Variants in MARVELD2 observed in about 807,000 individuals in gnomAD.
The protein encoded by MARVELD2 is MARVEL domain containing 2.
In MARVELD2, 49 loss-of-function variants were observed where a neutral mutation model predicts 57.6. The observed-to-expected ratio is 0.85, with a 90% CI of 0.68 to 1.08. The LOEUF is 1.08. Ranked by LOEUF, MARVELD2 falls within the 50% of genes least tolerant of loss-of-function variation. The pLI, the probability that MARVELD2 is intolerant of heterozygous loss-of-function variation, is 0.00. For synonymous variants in MARVELD2, 238 were observed against 258.8 expected, an observed-to-expected ratio of 0.92 and a Z score of 0.77; for missense variants, 606 against 701.1, an observed-to-expected ratio of 0.86 and a Z score of 1.53.
Position 69,424,593 on chromosome 5 carries a change from T to G in MARVELD2, c.1147-8T>G, listed in dbSNP as rs1342476152. On this transcript the variant is annotated splice_region_variant and splice_polypyrimidine_tract_variant and intron_variant, in intron 2 of 6. Coordinates refer to ENST00000325631, the MANE Select transcript of MARVELD2 (RefSeq NM_001038603.3). Reference sequence around the variant, plus strand: ...TTTGAAAAACTATTTGAACTCTTTTTGTTCCAGATAAATGAGCCATCATTG... The same window carrying G: ...TTTGAAAAACTATTTGAACTCTTTTGGTTCCAGATAAATGAGCCATCATTG... 1 of 1,602,260 alleles carries G rather than the reference T, an allele frequency of 6.2e-7. No individual in the cohort carries two copies. The highest frequency in any genetic ancestry group is 8.6e-7 in the Non-Finnish European group (1 of 1,168,994).
At position 69,419,929 on chromosome 5, in the gene MARVELD2, A is replaced by C. The variant is rs1766561884; in HGVS notation, c.544A>C (p.Arg182=). 3 of 1,614,144 alleles carry C rather than the reference A, an allele frequency of 1.9e-6. No individual in the cohort carries two copies. The highest frequency in any genetic ancestry group is 2.5e-6 in the Non-Finnish European group (3 of 1,180,028). The part of the protein sequence containing the change: ...YSEKVEEYNL[R]YSYMKSWAGL... Reference sequence around the variant, plus strand: ...TGAGAAGGTGGAGGAGTATAACCTGAGATACTCCTACATGAAGTCGTGGGC... The same window carrying C: ...TGAGAAGGTGGAGGAGTATAACCTGCGATACTCCTACATGAAGTCGTGGGC... The change falls in exon 2 of 7, where the codon AGA becomes CGA. Residue 182 remains arginine (R), a synonymous_variant. Transcript: ENST00000325631.
chr5:69,424,960 G>A (rs1369467126), intron 3 of MARVELD2, among the ~76,000 whole-genome samples: 1 of 151,978 alleles, frequency 6.6e-6, no homozygotes, highest in Non-Finnish European at 1.5e-5. Context: ...GGGAGGTGAA[G>A]GTTTCAGTGA....
At chr5:69,435,937 G>T (rs1206149016) in intron 5 of MARVELD2, among the ~76,000 whole-genome samples, 1 of 151,858 alleles carries the variant, frequency 6.6e-6, no homozygotes, top group Non-Finnish European at 1.5e-5. Context: ...TGTTTTCAAG[G>T]TTCATCCATA....
At chr5:69,439,940 C>T (rs1227239066) in intron 5 of MARVELD2, among the ~76,000 whole-genome samples, 2 of 152,114 alleles carry the variant, frequency 1.3e-5, no homozygotes, top group East Asian at 1.9e-4. Flanking sequence ...AAAAAAGTTA[C>T]AAGGAGCCTT....
At chr5:69,421,762 C>T (rs944314765) in intron 2 of MARVELD2, among the ~76,000 whole-genome samples, 5 of 149,778 alleles carry the variant, frequency 3.3e-5, no homozygotes, top group Non-Finnish European at 3.0e-5. Flanking sequence ...ATGCCTGGCC[C>T]GTTTTTTGGT....
At chr5:69,440,596 T>C (rs1308204365) in intron 6 of MARVELD2, 96 bp downstream of exon 6, 2 of 740,208 alleles carry the variant, frequency 2.7e-6, no homozygotes, top group Admixed American at 4.7e-5. Context: ...TAGTTCCTTT[T>C]TGTATTTCAT....
rs200677778 is a variant in MARVELD2 at position 69,432,613 on chromosome 5, A to G, written c.1269A>G (p.Leu423=). ...GAACAGCAAAAATGAAACCTGAACT[A>G]CTGAGTGGACACATCCCCCCAGGCC... The part of the protein sequence containing the change: ...ELRTAKMKPE[L]LSGHIPPGHI... The change falls in exon 4 of 7, where the codon CTA becomes CTG. Residue 423 remains leucine, a synonymous_variant. Coordinates refer to ENST00000325631, the MANE Select transcript of MARVELD2 (RefSeq NM_001038603.3). 6.2e-7 allele frequency: 1 copy of G among 1,614,174 alleles called. No homozygotes were observed. The highest frequency in any genetic ancestry group is 8.5e-7 in the Non-Finnish European group (1 of 1,180,026).
chr5:69,419,264 T>G, intron 1 of MARVELD2, 107 bp from the exon 2 acceptor site: 1 of 1,085,780 alleles, frequency 9.2e-7, no homozygotes, highest in Non-Finnish European at 1.4e-6. Context: ...TAATTAGACA[T>G]GATCCTGTTG....
intron 3 of MARVELD2, among the ~76,000 whole-genome samples, chr5:69,429,622 A>G (rs1766895641): frequency 6.6e-6 from 1 of 152,132 alleles, no homozygotes; most frequent in Admixed American, 6.6e-5. Flanking sequence ...ACTTCATGCA[A>G]CTTTAGGATA....
rs1173984918 is a variant in MARVELD2, at chr5:69,428,586, GCTCCCT to G, written c.1183-3940_1183-3935del. 2.2e-3 allele frequency among the ~76,000 whole-genome samples: 91 copies of G among 42,278 alleles called. 13 individuals are homozygous for G. The highest frequency in any genetic ancestry group is 5.3e-3 in the African/African-American group (64 of 12,164). The allele number at this position is 42,278 out of a possible 152,430, so 27.7% of individuals were successfully genotyped here. On this transcript the variant is annotated intron_variant, in intron 3 of 6. Transcript: ENST00000325631. The stretch of plus-strand genomic sequence containing the variant: ...CATGGAAATATTCTGATTTCTTCAG[GCTCCCT>G]TTCTATATTAAAAGGTAAGTCTTAC...
intron 5 of MARVELD2, among the ~76,000 whole-genome samples, chr5:69,436,829 C>A (rs1469335190): frequency 6.6e-6 from 1 of 151,950 alleles, no homozygotes; most frequent in Admixed American, 6.6e-5. Context: ...TGAAGAAAAT[C>A]CTGACCTGTA....
intron 2 of MARVELD2, 52 bp downstream of exon 2, chr5:69,420,583 T>A (rs1170426229): frequency 6.5e-7 from 1 of 1,539,618 alleles, no homozygotes; most frequent in Non-Finnish European, 8.9e-7. Flanking sequence ...TTTTTTCTGT[T>A]ATTTGCTCCC....
rs1337952261 is a variant in MARVELD2 at position 69,441,536 on chromosome 5, C to T, written c.1559C>T (p.Pro520Leu). Residue 520 changes from proline to leucine, a missense_variant, in exon 7 of 7, where the codon CCT (proline) becomes CTT (leucine). Coordinates refer to ENST00000325631, the MANE Select transcript of MARVELD2 (RefSeq NM_001038603.3). ...HEEFKKKKND[P>L]TFLEKKERCD... ...ATACTTATATTTCTTTTACAGGATC[C>T]TACATTTCTGGAAAAAAAAGAACGC... 2 of 1,610,380 alleles carry T rather than the reference C, an allele frequency of 1.2e-6. No homozygotes were observed. The highest frequency in any genetic ancestry group is 1.3e-5 in the African/African-American group (1 of 74,738).
At chr5:69,436,098 G>A (rs898310154) in intron 5 of MARVELD2, among the ~76,000 whole-genome samples, 2 of 152,024 alleles carry the variant, frequency 1.3e-5, no homozygotes, top group Non-Finnish European at 2.9e-5. Flanking sequence ...TGGCTGTTAC[G>A]AATAATGCTG....
At chr5:69,427,218 T>C (rs1766818780) in intron 3 of MARVELD2, among the ~76,000 whole-genome samples, 1 of 152,184 alleles carries the variant, frequency 6.6e-6, no homozygotes, top group Middle Eastern at 3.2e-3. Flanking sequence ...GTGCTTTAAG[T>C]GCTGTGCAGG....
At chr5:69,426,350 T>TA (rs61098515) in intron 3 of MARVELD2, among the ~76,000 whole-genome samples, 5 of 149,024 alleles carry the variant, frequency 3.4e-5, no homozygotes, top group East Asian at 3.9e-4. Context: ...TTATTATTAT[T>TA]TTTAGACAGA....
intron 2 of MARVELD2, among the ~76,000 whole-genome samples, chr5:69,422,030 T>G (rs1332339384): frequency 1.3e-5 from 2 of 152,170 alleles, no homozygotes; most frequent in Non-Finnish European, 2.9e-5. Flanking sequence ...TGGACACTTA[T>G]CACTTCCCCA....
At chr5:69,423,247 C>CGTT (rs557387176) in intron 2 of MARVELD2, among the ~76,000 whole-genome samples, 4 of 151,952 alleles carry the variant, frequency 2.6e-5, no homozygotes, top group East Asian at 1.9e-4. Flanking sequence ...GTTTTGTTGT[C>CGTT]GTTGTTGTTG....
At position 69,441,668 on chromosome 5, in the gene MARVELD2, C is replaced by T. The variant is rs1767331720; in HGVS notation, c.*14C>T. ...GGTTATTCTTAACGCTTATTTGAAA[C>T]CACTTTATTTTTTTATTTTATTTTA... is the stretch of plus-strand genomic sequence containing the variant. On this transcript the variant is annotated 3_prime_UTR_variant, in exon 7 of 7. Coordinates refer to ENST00000325631, the MANE Select transcript of MARVELD2 (RefSeq NM_001038603.3). 2.0e-6 allele frequency: 3 copies of T among 1,521,462 alleles called. No individual in the cohort carries two copies. The highest frequency in any genetic ancestry group is 2.7e-6 in the Non-Finnish European group (3 of 1,101,772). The allele number at this position is 1,521,462 out of a possible 1,614,324, so 94.2% of individuals were successfully genotyped here. A position where few individuals can be genotyped will look rare whatever the true frequency, so the allele number is the denominator to read the frequency against.
Sources: allele counts gnomAD v4.1 joint callset (sites outside exome capture counted in the v4.1 genomes callset), GRCh38; gene constraint gnomAD v4.1.1; transcripts MANE v1.5; gene names NCBI Gene and HGNC (gene_info 2026-07-23, HGNC 2026-07-21).